Variants in EYS observed in about 807,000 individuals in gnomAD.
The protein encoded by EYS is protein eyes shut homolog.
In EYS, 250 loss-of-function variants were observed where a neutral mutation model predicts 282.1. The ratio of observed to expected loss-of-function variants is 0.89; its 90% CI spans 0.80 to 0.98. EYS has a LOEUF of 0.98. Ranked by LOEUF, EYS falls within the 50% of genes least tolerant of loss-of-function variation. The probability of loss-of-function intolerance (pLI) is 0.00; values close to 1 mark genes in which losing one functional copy is unlikely to be tolerated. For missense variants in EYS, 4,016 were observed against 3,709.0 expected, an observed-to-expected ratio of 1.08 and a Z score of -2.15; for synonymous variants, 1,355 against 1,282.9, an observed-to-expected ratio of 1.06 and a Z score of -1.20.
chr6:64,575,152 G>A (rs1415013321), intron 26 of EYS, among the ~76,000 whole-genome samples: 1 of 152,044 alleles, frequency 6.6e-6, no homozygotes, highest in Non-Finnish European at 1.5e-5. Flanking sequence ...TAAATCAAAA[G>A]AGTTATTCTT....
At chr6:65,158,370 A>G (rs2150219835) in intron 12 of EYS, among the ~76,000 whole-genome samples, 1 of 151,026 alleles carries the variant, frequency 6.6e-6, no homozygotes. Flanking sequence ...CTAATAATTT[A>G]TCTCAAAAAT....
At chr6:65,048,302 C>G (rs1037417117) in intron 13 of EYS, among the ~76,000 whole-genome samples, 1 of 151,876 alleles carries the variant, frequency 6.6e-6, no homozygotes, top group Non-Finnish European at 1.5e-5. Flanking sequence ...AATGACTAAA[C>G]TCCACTGAAA....
chr6:63,820,795 A>G (rs916399194), intron 36 of EYS, among the ~76,000 whole-genome samples: 2 of 152,104 alleles, frequency 1.3e-5, no homozygotes, highest in Non-Finnish European at 2.9e-5. Flanking sequence ...CTGTTGATCT[A>G]TTTGTATCTT....
intron 35 of EYS, among the ~76,000 whole-genome samples, chr6:63,869,181 G>C (rs934707989): frequency 6.6e-6 from 1 of 152,074 alleles, no homozygotes; most frequent in African/African-American, 2.4e-5. Flanking sequence ...AGATAAGAAA[G>C]GGTAAGAGCA....
chr6:64,537,276 T>C (rs9451937), intron 26 of EYS, among the ~76,000 whole-genome samples: 1,768 of 148,514 alleles, frequency 0.012, 35 homozygotes, highest in African/African-American at 0.041. Flanking sequence ...TTTGTTCTTG[T>C]GATAGTTTAC....
intron 11 of EYS, among the ~76,000 whole-genome samples, chr6:65,327,958 T>C (rs936571011): frequency 6.6e-6 from 1 of 151,556 alleles, no homozygotes; most frequent in Non-Finnish European, 1.5e-5. Flanking sequence ...ACATAAAAAA[T>C]TTATTCCTGA....
chr6:64,169,429 G>T (rs1368564644), intron 31 of EYS, among the ~76,000 whole-genome samples: 6 of 45,902 alleles, frequency 1.3e-4, no homozygotes, highest in African/African-American at 3.4e-4. Context: ...ATTTGAGGAG[G>T]AGTTTTTTTT....
chr6:65,359,709 T>C (rs371785111), intron 8 of EYS, among the ~76,000 whole-genome samples: 3 of 151,980 alleles, frequency 2.0e-5, no homozygotes, highest in South Asian at 4.1e-4. Context: ...AGGCAGATAT[T>C]AATAGTGGGA....
intron 29 of EYS, among the ~76,000 whole-genome samples, chr6:64,347,839 AC>A: frequency 6.6e-6 from 1 of 151,314 alleles, no homozygotes; most frequent in Non-Finnish European, 1.5e-5. Flanking sequence ...TCTTTATAGC[AC>A]TTCTCCTTCA....
intron 31 of EYS, among the ~76,000 whole-genome samples, chr6:64,217,756 T>C (rs1002944881): frequency 1.3e-5 from 2 of 152,154 alleles, no homozygotes; most frequent in African/African-American, 4.8e-5. Context: ...ATCTAGGTGG[T>C]ACATGTTCAT....
At chr6:65,111,329 T>G (rs1445882020) in intron 12 of EYS, among the ~76,000 whole-genome samples, 1 of 152,190 alleles carries the variant, frequency 6.6e-6, no homozygotes, top group Non-Finnish European at 1.5e-5. Flanking sequence ...CCTTAATTCT[T>G]TAAGTGTTTC....
At chr6:64,035,589 A>G (rs1770078455) in intron 33 of EYS, among the ~76,000 whole-genome samples, 1 of 152,224 alleles carries the variant, frequency 6.6e-6, no homozygotes, top group Non-Finnish European at 1.5e-5. Flanking sequence ...ATGAAACCAG[A>G]GTAAAGAATC....
Position 64,704,494 on chromosome 6 carries a change from T to TACTTATA in EYS, c.3444-78250_3444-78249insTATAAGT, listed in dbSNP as rs1164154635. Among the ~76,000 whole-genome samples the TACTTATA allele has an allele frequency of 3.9e-4, 6 of 15,390 alleles. 1 individual carries two copies. Among genetic ancestry groups the TACTTATA allele is most frequent in the Admixed American group, 1.9e-3 (3 of 1,596 alleles). 10.1% of individuals were successfully genotyped at this position (15,390 alleles called of 152,430 possible). ...ACTTATAATTATATTATAATTATAATATAATACTTATAATAATATTATAAT... is the reference window on the plus strand; with the variant it reads ...ACTTATAATTATATTATAATTATAATACTTATAATAATACTTATAATAATATTATAAT... On this transcript the variant is annotated intron_variant, in intron 22 of 42. Coordinates refer to ENST00000503581, the MANE Select transcript of EYS (RefSeq NM_001142800.2).
At position 65,574,459 on chromosome 6, in the gene EYS, A is replaced by C. The variant is rs556155392; in HGVS notation, c.-333+65319T>G. Among the ~76,000 whole-genome samples the C allele has an allele frequency of 2.6e-5, 4 of 152,326 alleles. No homozygotes were observed. In the East Asian group the frequency reaches 7.7e-4, roughly 29 times the overall value. Reference sequence around the variant, plus strand: ...ATATTCTATGCAAGTGGATACCAAAAGAGAACAGGAGTAGCTAGCTATGCG... The same window carrying C: ...ATATTCTATGCAAGTGGATACCAAACGAGAACAGGAGTAGCTAGCTATGCG... On this transcript the variant is annotated intron_variant, in intron 2 of 42. Coordinates refer to ENST00000503581, the MANE Select transcript of EYS (RefSeq NM_001142800.2).
intron 35 of EYS, among the ~76,000 whole-genome samples, chr6:63,884,125 T>A (rs1005755313): frequency 6.6e-6 from 1 of 152,192 alleles, no homozygotes. Flanking sequence ...TGTCATATAA[T>A]GGTCATGCAG....
chr6:63,852,782 C>A (rs1261229129), intron 36 of EYS, among the ~76,000 whole-genome samples: 1 of 152,170 alleles, frequency 6.6e-6, no homozygotes, highest in Non-Finnish European at 1.5e-5. Flanking sequence ...AGCTTATCTA[C>A]CACGATCAAG....
At chr6:65,613,671 T>C (rs1462934632) in intron 2 of EYS, among the ~76,000 whole-genome samples, 2 of 151,888 alleles carry the variant, frequency 1.3e-5, no homozygotes, top group South Asian at 2.1e-4. Context: ...CAGATAACTT[T>C]GTCTTGAATG....
chr6:65,369,235 T>C (rs116364269), intron 8 of EYS, among the ~76,000 whole-genome samples: 30,745 of 145,748 alleles, frequency 0.21, 3,813 homozygotes, highest in Non-Finnish European at 0.27. Context: ...TATATATATA[T>C]ACACATTTGT....
chr6:65,171,789 T>C (rs1314994715), intron 12 of EYS, among the ~76,000 whole-genome samples: 1 of 151,540 alleles, frequency 6.6e-6, no homozygotes, highest in Non-Finnish European at 1.5e-5. Context: ...TTAAAATGTT[T>C]CTTGACACTG....
Sources: gnomAD v4.1 joint callset for allele counts (sites outside exome capture counted in the v4.1 genomes callset) on GRCh38, gnomAD v4.1.1 for gene constraint, MANE v1.5 for transcripts, NCBI Gene and HGNC (gene_info 2026-07-23, HGNC 2026-07-21) for gene names.